The following SYNGR1 variants were observed in gnomAD, a reference collection of about 807,000 sequenced individuals.
SYNGR1 encodes synaptogyrin 1, also known as synaptogyrin-1.
Under a neutral mutation model 26.1 loss-of-function variants are expected in SYNGR1, and 14 were observed. The observed-to-expected ratio is 0.54, with a 90% CI of 0.35 to 0.84. SYNGR1 has a LOEUF of 0.84. Ranked by LOEUF, SYNGR1 falls within the 40% of genes least tolerant of loss-of-function variation. The pLI, the probability that SYNGR1 is intolerant of heterozygous loss-of-function variation, is 0.01. For synonymous variants in SYNGR1, 141 were observed against 150.1 expected (o/e 0.94, Z 0.44); for missense variants, 319 against 332.9 (o/e 0.96, Z 0.33).
At chr22:39,374,970 G>A (rs6001560) in intron 2 of SYNGR1, 3 of 279,176 alleles carry the variant, frequency 1.1e-5, no homozygotes, top group African/African-American at 4.4e-5. Flanking sequence ...GCCTCCCCAC[G>A]CCTCCCAGCC....
At chr22:39,376,486 G>A (rs1925293068) in intron 3 of SYNGR1, among the ~76,000 whole-genome samples, 1 of 152,016 alleles carries the variant, frequency 6.6e-6, no homozygotes, top group African/African-American at 2.4e-5. Context: ...ACCACTCTGG[G>A]TAAATGGTGT....
chr22:39,381,339 G>A (rs983747089), intron 3 of SYNGR1, among the ~76,000 whole-genome samples: 1 of 152,196 alleles, frequency 6.6e-6, no homozygotes, highest in Non-Finnish European at 1.5e-5. Context: ...TTGTCCCGCT[G>A]AGAAGCTTTT....
intron 1 of SYNGR1, among the ~76,000 whole-genome samples, chr22:39,368,046 A>G (rs1924847594): frequency 6.6e-6 from 1 of 151,986 alleles, no homozygotes; most frequent in African/African-American, 2.4e-5. Context: ...CTTGTCTCCA[A>G]TCGGAGGCCC....
In SYNGR1 at chr22:39,374,311, G is replaced by T. The variant is rs577083675; in HGVS notation, c.100-5G>T. ...AGGTCTAAGGTGTGGCCCCACCCCC[G>T]ACAGCTGTTCTCCATAGTGGTGTTC... is the stretch of plus-strand genomic sequence containing the variant. On this transcript the variant is annotated splice_polypyrimidine_tract_variant and splice_region_variant and intron_variant, in intron 1 of 3. Coordinates refer to ENST00000328933, the MANE Select transcript of SYNGR1 (RefSeq NM_004711.5). 3.1e-6 allele frequency: 5 copies of T among 1,613,568 alleles called. No individual in the cohort carries two copies. The African/African-American group carries it at 6.7e-5, about 22-fold the overall frequency.
chr22:39,357,654 CCGGACCCGGGCG>C (rs1342843580), intron 1 of SYNGR1, among the ~76,000 whole-genome samples: 86,137 of 125,544 alleles, frequency 0.69, 29,021 homozygotes, highest in East Asian at 0.97. Context: ...CCTGCTGGCC[CCGGACCCGGGCG>C]TGGGCTTGGC....
In SYNGR1 at chr22:39,366,945, G is replaced by A. The variant is rs116680856; in HGVS notation, c.100-7371G>A. Among the ~76,000 whole-genome samples the A allele has an allele frequency of 4.1e-3, 627 of 152,206 alleles. 3 individuals are homozygous for A. The highest frequency in any genetic ancestry group is 0.014 in the African/African-American group (600 of 41,500). ...TCTTGGTGTCTCCCTCACTTGCTCG[G>A]CTCCTATCGTGCGGGCCTCCATGCC... is the stretch of plus-strand genomic sequence containing the variant. On this transcript the variant is annotated intron_variant, in intron 1 of 3. Coordinates refer to ENST00000328933, the MANE Select transcript of SYNGR1 (RefSeq NM_004711.5).
In SYNGR1 at chr22:39,382,880, G is replaced by T. The variant is rs1333306376; in HGVS notation, c.*966G>T. 6.6e-6 allele frequency: 1 copy of T among 152,462 alleles called. No individual in the cohort carries two copies. Among genetic ancestry groups the T allele is most frequent in the Admixed American group, 6.5e-5 (1 of 15,286 alleles). 9.4% of individuals were successfully genotyped at this position (152,462 alleles called of 1,614,324 possible). On this transcript the variant is annotated 3_prime_UTR_variant, in exon 4 of 4. Transcript: ENST00000328933. ...GGGGGCTCCAGCAAACCCCTTCGTG[G>T]TCTCTCAAAGGACTGATCACTGTCC...
chr22:39,373,074 C>T (rs1925102496), intron 1 of SYNGR1, among the ~76,000 whole-genome samples: 1 of 151,586 alleles, frequency 6.6e-6, no homozygotes, highest in South Asian at 2.1e-4. Context: ...TGTAATATAC[C>T]CTTGGGATCA....
In SYNGR1 at chr22:39,357,511, C is replaced by T. The variant is rs188796439; in HGVS notation, c.99+7402C>T. 4.7e-3 allele frequency among the ~76,000 whole-genome samples: 717 copies of T among 152,322 alleles called. 11 individuals carry two copies. Among genetic ancestry groups the T allele is most frequent in the African/African-American group, 0.016 (684 of 41,582 alleles). On this transcript the variant is annotated intron_variant, in intron 1 of 3. Transcript: ENST00000328933. The stretch of plus-strand genomic sequence containing the variant: ...GGGCTGGCCAAGGCTAGAGCCCACT[C>T]CCTCAGCTTGCAGGGAGGTGTGGAG...
In SYNGR1 at chr22:39,385,102, T is replaced by G. The variant is rs1925618257; in HGVS notation, c.*3188T>G. 1 of 398,182 alleles carries G rather than the reference T, an allele frequency of 2.5e-6. No individual in the cohort carries two copies. The highest frequency in any genetic ancestry group is 1.4e-4 in the South Asian group (1 of 7,330). 24.7% of individuals were successfully genotyped at this position (398,182 alleles called of 1,614,324 possible). ...CATGTAACTGAGACACCCTGCCTGT[T>G]AGCCCTGGGAGACCCCTAACCTTGG... is the stretch of plus-strand genomic sequence containing the variant. On this transcript the variant is annotated 3_prime_UTR_variant, in exon 4 of 4. Transcript: ENST00000328933.
chr22:39,377,092 CGG>C, intron 3 of SYNGR1: 1 of 1,549,116 alleles, frequency 6.5e-7, no homozygotes, highest in Non-Finnish European at 8.7e-7. Context: ...CCCTCTGGAC[CGG>C]CGAGCACTTC....
chr22:39,355,880 G>A (rs376557825), intron 1 of SYNGR1, among the ~76,000 whole-genome samples: 3 of 152,110 alleles, frequency 2.0e-5, no homozygotes, highest in African/African-American at 4.8e-5. Context: ...TTAGCCAGGC[G>A]TGGTGGCACG....
rs368987356 is a variant in SYNGR1 at position 39,374,414 on chromosome 22, C to A, written c.198C>A (p.Asn66Lys). 2 of 1,614,066 alleles carry A rather than the reference C, an allele frequency of 1.2e-6. No homozygotes were observed. The highest frequency in any genetic ancestry group is 1.3e-5 in the African/African-American group (1 of 75,064). ...EEFCIYNRNP[N>K]ACSYGVAVGV... is the part of the protein sequence containing the mutation. ...TCTGCATCTACAACCGCAACCCCAA[C>A]GCCTGCAGCTATGGCGTGGCCGTGG... Residue 66 changes from asparagine (N) to lysine (K), a missense_variant, in exon 2 of 4, where the codon AAC (asparagine) becomes AAA (lysine). Coordinates refer to ENST00000328933, the MANE Select transcript of SYNGR1 (RefSeq NM_004711.5).
chr22:39,384,806 C>T lies in SYNGR1; in HGVS notation c.*2892C>T, dbSNP rs5995725. The T allele has an allele frequency of 5.7e-3, 2,292 of 398,834 alleles. 55 individuals carry two copies. Among genetic ancestry groups the T allele is most frequent in the African/African-American group, 0.043 (2,071 of 48,630 alleles). The allele number at this position is 398,834 out of a possible 1,614,324, so 24.7% of individuals were successfully genotyped here. Reference sequence around the variant, plus strand: ...AAAAGGTTTCACATAAGTGTAGAGTCGCAAGGACGCTTAGAGTCGGCAGAG... The same window carrying T: ...AAAAGGTTTCACATAAGTGTAGAGTTGCAAGGACGCTTAGAGTCGGCAGAG... On this transcript the variant is annotated 3_prime_UTR_variant, in exon 4 of 4. Coordinates refer to ENST00000328933, the MANE Select transcript of SYNGR1 (RefSeq NM_004711.5).
chr22:39,364,336 C>T (rs761120394), intron 1 of SYNGR1: 2 of 1,613,592 alleles, frequency 1.2e-6, no homozygotes, highest in African/African-American at 1.3e-5. Flanking sequence ...AGAGGCAGGG[C>T]CTCTCTGAGC....
chr22:39,372,438 C>CT (rs767314185), intron 1 of SYNGR1, among the ~76,000 whole-genome samples: 1,165 of 54,658 alleles, frequency 0.021, 326 homozygotes, highest in African/African-American at 0.057. Flanking sequence ...ACGCCCAGCT[C>CT]TTTTTTTTTT....
intron 1 of SYNGR1, among the ~76,000 whole-genome samples, chr22:39,356,895 C>G (rs1020554683): frequency 6.6e-6 from 1 of 152,138 alleles, no homozygotes; most frequent in Non-Finnish European, 1.5e-5. Context: ...CCTTTCCACC[C>G]TTGAAGAACC....
intron 1 of SYNGR1, among the ~76,000 whole-genome samples, chr22:39,358,528 C>T (rs1274348287): frequency 1.3e-5 from 2 of 151,894 alleles, no homozygotes; most frequent in East Asian, 1.9e-4. Flanking sequence ...CTGAAGCCAG[C>T]GAGACCACGA....
intron 1 of SYNGR1, among the ~76,000 whole-genome samples, chr22:39,352,694 GACCCGTTT>G (rs1923963080): frequency 2.0e-5 from 3 of 152,144 alleles, no homozygotes; most frequent in South Asian, 2.1e-4. Context: ...GGACCAGGGT[GACCCGTTT>G]ATCCTGGTGT....
Sources: gnomAD v4.1 joint callset for allele counts (sites outside exome capture counted in the v4.1 genomes callset) on GRCh38, gnomAD v4.1.1 for gene constraint, MANE v1.5 for transcripts, NCBI Gene and HGNC (gene_info 2026-07-23, HGNC 2026-07-21) for gene names.